Variants in THSD7A observed in about 807,000 individuals in gnomAD.
The protein encoded by THSD7A is thrombospondin type 1 domain containing 7A.
THSD7A carries 96 observed loss-of-function variants against 231.3 expected under a neutral mutation model. The observed-to-expected ratio is 0.41, with a 90% CI of 0.35 to 0.49. THSD7A has a LOEUF of 0.49. Ranked by LOEUF, THSD7A falls within the 20% of genes least tolerant of loss-of-function variation. The pLI is 0.05. For synonymous variants in THSD7A, 940 were observed against 743.3 expected (o/e 1.26, Z -4.30); for missense variants, 2,290 against 2,070.2 (o/e 1.11, Z -2.06).
At chr7:11,481,068 A>G (rs538973752) in intron 7 of THSD7A, among the ~76,000 whole-genome samples, 9 of 152,294 alleles carry the variant, frequency 5.9e-5, no homozygotes, top group Non-Finnish European at 1.2e-4. Flanking sequence ...AAGATTAAGT[A>G]TGACATTATA....
intron 9 of THSD7A, 32 bp downstream of exon 9, chr7:11,469,847 G>C (rs764412244): frequency 1.3e-6 from 2 of 1,485,656 alleles, no homozygotes. Context: ...GGTTTTCTAG[G>C]TGAACAGCCT....
At chr7:11,451,049 G>A (rs1199898599) in intron 11 of THSD7A, among the ~76,000 whole-genome samples, 2 of 151,990 alleles carry the variant, frequency 1.3e-5, no homozygotes, top group Non-Finnish European at 2.9e-5. Flanking sequence ...AGCACGGGAA[G>A]AATCAATATG....
intron 13 of THSD7A, among the ~76,000 whole-genome samples, chr7:11,442,807 G>A (rs1784847321): frequency 6.6e-6 from 1 of 152,016 alleles, no homozygotes; most frequent in Non-Finnish European, 1.5e-5. Context: ...AATGATGCAG[G>A]ACATGCAGAA....
At chr7:11,528,786 T>G (rs1788582633) in intron 6 of THSD7A, among the ~76,000 whole-genome samples, 1 of 152,200 alleles carries the variant, frequency 6.6e-6, no homozygotes, top group Non-Finnish European at 1.5e-5. Flanking sequence ...AATCTCATAT[T>G]GAGAATCAAA....
chr7:11,695,275 T>C (rs1309905904), intron 1 of THSD7A, among the ~76,000 whole-genome samples: 1 of 151,350 alleles, frequency 6.6e-6, no homozygotes, highest in Non-Finnish European at 1.5e-5. Context: ...ATATCGAGAG[T>C]CTAGAATGTA....
chr7:11,429,544 T>G (rs1286778930), intron 13 of THSD7A, among the ~76,000 whole-genome samples: 1 of 152,184 alleles, frequency 6.6e-6, no homozygotes, highest in East Asian at 1.9e-4. Context: ...CGTTCTTTCT[T>G]AAGAAATCCC....
At chr7:11,780,384 CAT>C (rs1481620411) in intron 1 of THSD7A, among the ~76,000 whole-genome samples, 5 of 152,328 alleles carry the variant, frequency 3.3e-5, no homozygotes, top group Admixed American at 3.3e-4. Flanking sequence ...GTGGCAAGAT[CAT>C]AAGCTCTAGT....
In THSD7A at chr7:11,706,921, T is replaced by C. The variant is rs563672276; in HGVS notation, c.191-69960A>G. 2.0e-5 allele frequency among the ~76,000 whole-genome samples: 3 copies of C among 150,860 alleles called. No individual in the cohort carries two copies. In the East Asian group the frequency reaches 5.9e-4, roughly 30 times the overall value. ...TCCACTCAGCTCTGATTCAGGGTTT[T>C]TCAGCTTGTTATTTGTATTATCACT... On this transcript the variant is annotated intron_variant, in intron 1 of 27. Coordinates refer to ENST00000423059, the MANE Select transcript of THSD7A (RefSeq NM_015204.3).
chr7:11,769,826 C>T (rs1346422502), intron 1 of THSD7A, among the ~76,000 whole-genome samples: 1 of 152,084 alleles, frequency 6.6e-6, no homozygotes, highest in Non-Finnish European at 1.5e-5. Context: ...TAACTTTAAT[C>T]TAAAAGTATC....
At chr7:11,383,051 G>T (rs1782585983) in intron 23 of THSD7A, among the ~76,000 whole-genome samples, 1 of 151,222 alleles carries the variant, frequency 6.6e-6, no homozygotes, top group Non-Finnish European at 1.5e-5. Context: ...TTTCTGTTCT[G>T]ATCACCCTCC....
rs567789743 is a variant in THSD7A at position 11,445,236 on chromosome 7, G to A, written c.3064+825C>T. 2.0e-3 allele frequency among the ~76,000 whole-genome samples: 309 copies of A among 152,082 alleles called. 1 individual carries two copies. Among genetic ancestry groups the A allele is most frequent in the African/African-American group, 6.9e-3 (287 of 41,516 alleles). On this transcript the variant is annotated intron_variant, in intron 13 of 27. Transcript: ENST00000423059. ...AAGTAAGAGATCATCATCTGGTGTT[G>A]CAAGTATGTGGTATCTATGTTTCAG...
rs531484590 is a variant in THSD7A, at chr7:11,375,873, T to C, written c.4895A>G (p.Lys1632Arg). 2 of 1,612,514 alleles carry C rather than the reference T, an allele frequency of 1.2e-6. No individual in the cohort carries two copies. The highest frequency in any genetic ancestry group is 1.7e-6 in the Non-Finnish European group (2 of 1,178,918). Reference sequence around the variant, plus strand: ...TTGCCTTCTTTGGGGTTTCTTTGGCTTTTTGCTGTAAAAAAATTCGGAATT... The same window carrying C: ...TTGCCTTCTTTGGGGTTTCTTTGGCCTTTTGCTGTAAAAAAATTCGGAATT... ...IVSMIYLACK[K>R]PKKPQRRQNN... Residue 1632 changes from lysine to arginine, a missense_variant, in exon 28 of 28, where the codon AAG (lysine) becomes AGG (arginine). Lys to Arg is a conservative substitution (Grantham distance 26). Transcript: ENST00000423059.
rs33930587 is a variant in THSD7A, at chr7:11,568,624, CAAAAAAAAAAAAAAAAAA to C, written c.1453+21818_1453+21835del. ...TGAGTGACAGAGTGAAACTCCGTCT[CAAAAAAAAAAAAAAAAAA>C]AAAAAAAAAAAACCAAAATCTGGAA... On this transcript the variant is annotated intron_variant, in intron 4 of 27. Coordinates refer to ENST00000423059, the MANE Select transcript of THSD7A (RefSeq NM_015204.3). Among the ~76,000 whole-genome samples, 6 of 48,996 alleles carry C rather than the reference CAAAAAAAAAAAAAAAAAA, an allele frequency of 1.2e-4. No individual in the cohort carries two copies. The South Asian group carries it at 8.0e-3, about 65-fold the overall frequency. 32.1% of individuals were successfully genotyped at this position (48,996 alleles called of 152,430 possible). A position where few individuals can be genotyped will look rare whatever the true frequency, so the allele number is the denominator to read the frequency against.
At chr7:11,816,631 G>T (rs1423668126) in intron 1 of THSD7A, among the ~76,000 whole-genome samples, 1 of 152,096 alleles carries the variant, frequency 6.6e-6, no homozygotes, top group Non-Finnish European at 1.5e-5. Context: ...AGTAATGCAA[G>T]GACTTTTATA....
chr7:11,778,346 CATTA>C (rs1783507097), intron 1 of THSD7A, among the ~76,000 whole-genome samples: 2 of 151,876 alleles, frequency 1.3e-5, no homozygotes, highest in Admixed American at 1.3e-4. Flanking sequence ...AAAACAAAGC[CATTA>C]ATTGTTTCTC....
At position 11,371,038 on chromosome 7, in the gene THSD7A, G is replaced by A. The variant is rs565657889; in HGVS notation, c.*4756C>T. 1 of 152,222 alleles carries A rather than the reference G, an allele frequency of 6.6e-6. No homozygotes were observed. Among genetic ancestry groups the A allele is most frequent in the African/African-American group, 2.4e-5 (1 of 41,528 alleles). The allele number at this position is 152,222 out of a possible 1,614,324, so 9.4% of individuals were successfully genotyped here. On this transcript the variant is annotated 3_prime_UTR_variant, in exon 28 of 28. Transcript: ENST00000423059. ...ACAATTATATTCTAAATAATATAGAGATTTTTGATCACTGAAAACATGACT... is the reference window on the plus strand; with the variant it reads ...ACAATTATATTCTAAATAATATAGAAATTTTTGATCACTGAAAACATGACT...
chr7:11,673,444 G>T (rs1783488080), intron 1 of THSD7A, among the ~76,000 whole-genome samples: 2 of 152,154 alleles, frequency 1.3e-5, no homozygotes, highest in South Asian at 2.1e-4. Context: ...GCACAGAGTG[G>T]TTGCAGCACC....
chr7:11,579,827 A>G (rs1002186245), intron 4 of THSD7A, among the ~76,000 whole-genome samples: 2 of 152,322 alleles, frequency 1.3e-5, no homozygotes, highest in East Asian at 1.9e-4. Context: ...TCGTACCTCT[A>G]GAACTATGGG....
chr7:11,785,368 C>A (rs1417092948), intron 1 of THSD7A, among the ~76,000 whole-genome samples: 1 of 152,106 alleles, frequency 6.6e-6, no homozygotes, highest in Non-Finnish European at 1.5e-5. Context: ...TCCTGAGTAA[C>A]TGGACTTCAG....
Sources: allele counts gnomAD v4.1 joint callset (sites outside exome capture counted in the v4.1 genomes callset), GRCh38; gene constraint gnomAD v4.1.1; transcripts MANE v1.5; gene names NCBI Gene and HGNC (gene_info 2026-07-23, HGNC 2026-07-21).